TRIM5: variants seen among roughly 807,000 people sequenced by gnomAD.
The protein encoded by TRIM5 is tripartite motif-containing protein 5.
TRIM5 carries 31 observed loss-of-function variants against 35.6 expected under a neutral mutation model. The ratio of observed to expected loss-of-function variants is 0.87; its 90% CI spans 0.65 to 1.18. The LOEUF is 1.18. Ranked by LOEUF, TRIM5 falls within the 50% of genes most tolerant of loss-of-function variation. The pLI is 0.00. For synonymous variants in TRIM5, 243 were observed against 215.6 expected (o/e 1.13, Z -1.11); for missense variants, 609 against 591.6 (o/e 1.03, Z -0.31).
the TRIM5 span, among the ~76,000 whole-genome samples, chr11:5,637,130 G>A: frequency 2.0e-5 from 3 of 151,902 alleles, no homozygotes; most frequent in Non-Finnish European, 2.9e-5. Context: ...CCAAGATGGC[G>A]CCACTGCACT....
chr11:5,603,256 G>C, the TRIM5 span: 2 of 1,613,402 alleles, frequency 1.2e-6, no homozygotes, highest in African/African-American at 2.7e-5. Context: ...GATTCTACAG[G>C]CAGGAAACAT....
chr11:5,631,759 GT>G, the TRIM5 span, among the ~76,000 whole-genome samples: 492 of 152,158 alleles, frequency 3.2e-3, 2 homozygotes, highest in African/African-American at 0.012. Flanking sequence ...AGACAGGGAA[GT>G]TTTTTTTATA....
In TRIM5 at chr11:5,665,280, C is replaced by T; in HGVS notation, c.1011G>A (p.Gln337=). The change falls in exon 8 of 8, where the codon CAG becomes CAA. Residue 337 remains glutamine, a synonymous_variant. Coordinates refer to ENST00000380034, the MANE Select transcript of TRIM5 (RefSeq NM_033034.3). ...TACAATAATTGAAATTCACAAATGT[C>T]TGGTATCTTGTCCCTCGTGCCCCAT... ...IIYGARGTRY[Q]TFVNFNYCTG... The T allele has an allele frequency of 6.2e-7, 1 of 1,614,172 alleles. No individual in the cohort carries two copies. Among genetic ancestry groups the T allele is most frequent in the Non-Finnish European group, 8.5e-7 (1 of 1,180,036 alleles).
chr11:5,668,681 C>A (rs1851331916), intron 4 of TRIM5, among the ~76,000 whole-genome samples: 1 of 152,062 alleles, frequency 6.6e-6, no homozygotes, highest in Non-Finnish European at 1.5e-5. Flanking sequence ...AACTCCTGAC[C>A]TCAAGTGATC....
chr11:5,643,002 G>C, the TRIM5 span: 1 of 1,330,852 alleles, frequency 7.5e-7, no homozygotes, highest in Non-Finnish European at 1.0e-6. Context: ...CAATTCATCA[G>C]TGCAAGTTTT....
the TRIM5 span, among the ~76,000 whole-genome samples, chr11:5,616,598 C>T: frequency 6.9e-6 from 1 of 145,102 alleles, no homozygotes; most frequent in Admixed American, 6.9e-5. Flanking sequence ...AAGGCATATT[C>T]TGTGCAAGGT....
At chr11:5,614,471 G>C in the TRIM5 span, among the ~76,000 whole-genome samples, 5 of 152,194 alleles carry the variant, frequency 3.3e-5, no homozygotes, top group Admixed American at 3.3e-4. Context: ...TAACTGTAAA[G>C]ATTTTTTAAA....
At chr11:5,628,030 G>A in the TRIM5 span, among the ~76,000 whole-genome samples, 4 of 152,202 alleles carry the variant, frequency 2.6e-5, no homozygotes, top group African/African-American at 9.7e-5. Context: ...CAGGCCAATG[G>A]CACTCATGTT....
At chr11:5,608,128 A>C in the TRIM5 span, among the ~76,000 whole-genome samples, 9 of 152,200 alleles carry the variant, frequency 5.9e-5, no homozygotes, top group Non-Finnish European at 1.2e-4. Context: ...AACATTACAC[A>C]CACATATGCA....
the TRIM5 span, among the ~76,000 whole-genome samples, chr11:5,654,521 A>G: frequency 1.3e-5 from 2 of 152,026 alleles, no homozygotes; most frequent in African/African-American, 4.8e-5. Flanking sequence ...GTTCCTTGTG[A>G]CCCTGGGGAG....
At chr11:5,603,274 A>G in the TRIM5 span, 1 of 1,613,934 alleles carries the variant, frequency 6.2e-7, no homozygotes, top group Non-Finnish European at 8.5e-7. Flanking sequence ...CATCTTAGAA[A>G]TCAGGGTTGG....
chr11:5,592,555 G>A, the TRIM5 span, among the ~76,000 whole-genome samples: 1 of 152,154 alleles, frequency 6.6e-6, no homozygotes, highest in East Asian at 1.9e-4. Flanking sequence ...AGTTTAATAT[G>A]TGTCTGCTGA....
Position 5,665,322 on chromosome 11 carries a change from C to T in TRIM5, c.969G>A (p.Pro323=), listed in dbSNP as rs751182573. The part of the protein sequence containing the change: ...ISEDKRQVSS[P]KPQIIYGARG... The stretch of plus-strand genomic sequence containing the variant: ...GTGCCCCATATATTATCTGTGGTTT[C>T]GGAGAGCTCACTTGTCTCTTATCTT... Residue 323 remains proline (P), a synonymous_variant, in exon 8 of 8, where the codon CCG becomes CCA. Coordinates refer to ENST00000380034, the MANE Select transcript of TRIM5 (RefSeq NM_033034.3). The T allele has an allele frequency of 3.1e-6, 5 of 1,614,052 alleles. No homozygotes were observed. The highest frequency in any genetic ancestry group is 2.2e-5 in the South Asian group (2 of 91,062).
chr11:5,592,177 A>C, the TRIM5 span, among the ~76,000 whole-genome samples: 1 of 152,208 alleles, frequency 6.6e-6, no homozygotes, highest in Admixed American at 6.5e-5. Flanking sequence ...ATTTTCTTCA[A>C]ATTGACTAGA....
the TRIM5 span, among the ~76,000 whole-genome samples, chr11:5,650,137 A>G: frequency 1.3e-5 from 2 of 152,240 alleles, no homozygotes; most frequent in Non-Finnish European, 2.9e-5. Context: ...CGTTGTGTGT[A>G]TGTAAAGCAA....
chr11:5,638,735 C>T, the TRIM5 span, among the ~76,000 whole-genome samples: 1 of 152,138 alleles, frequency 6.6e-6, no homozygotes, highest in Non-Finnish European at 1.5e-5. Flanking sequence ...TTACTGGTGC[C>T]GTTTTTTCTT....
the TRIM5 span, chr11:5,604,664 A>C: frequency 6.2e-7 from 1 of 1,600,946 alleles, no homozygotes; most frequent in Non-Finnish European, 8.5e-7. Context: ...GTCCTGGGGC[A>C]GGAATCATGG....
At chr11:5,631,899 G>T in the TRIM5 span, among the ~76,000 whole-genome samples, 1 of 152,142 alleles carries the variant, frequency 6.6e-6, no homozygotes, top group African/African-American at 2.4e-5. Flanking sequence ...AATAGATAAT[G>T]ATAATAAAAG....
rs1235671128 is a variant in TRIM5, at chr11:5,664,161, A to G, written c.*648T>C. ...GGTTGCAGTGAACCGAGATCGTGCCATTGCACTCCAGCCTGGGGAACAAGA... is the reference window on the plus strand; with the variant it reads ...GGTTGCAGTGAACCGAGATCGTGCCGTTGCACTCCAGCCTGGGGAACAAGA... On this transcript the variant is annotated 3_prime_UTR_variant, in exon 8 of 8. Transcript: ENST00000380034. The G allele has an allele frequency of 1.3e-6, 1 of 784,218 alleles. No individual in the cohort carries two copies. The highest frequency in any genetic ancestry group is 5.7e-5 in the South Asian group (1 of 17,452). 48.6% of individuals were successfully genotyped at this position (784,218 alleles called of 1,614,324 possible). A position where few individuals can be genotyped will look rare whatever the true frequency, so the allele number is the denominator to read the frequency against.
Sources: gnomAD v4.1 joint callset for allele counts (sites outside exome capture counted in the v4.1 genomes callset) on GRCh38, gnomAD v4.1.1 for gene constraint, MANE v1.5 for transcripts, NCBI Gene and HGNC (gene_info 2026-07-23, HGNC 2026-07-21) for gene names.